Variants in PCDH7 observed in about 807,000 individuals in gnomAD.
The protein encoded by PCDH7 is protocadherin 7, also known as protocadherin-7.
PCDH7 carries 17 observed loss-of-function variants against 58.9 expected under a neutral mutation model. The observed-to-expected ratio is 0.29, with a 90% CI of 0.20 to 0.43. The LOEUF (loss-of-function observed/expected upper bound fraction) is 0.43. Among genes scored for constraint, PCDH7 ranks in the 20% least tolerant of loss-of-function variants. PCDH7 has a pLI of 1.00. For synonymous variants in PCDH7, 664 were observed against 616.4 expected (o/e 1.08, Z -1.14); for missense variants, 1,274 against 1,441.0 (o/e 0.88, Z 1.88).
chr4:30,790,346 A>G (rs774448545), intron 1 of PCDH7, among the ~76,000 whole-genome samples: 6 of 152,000 alleles, frequency 3.9e-5, no homozygotes, highest in African/African-American at 9.7e-5. Context: ...ACAGAGTTTC[A>G]GTAACTAGTA....
At chr4:30,739,788 T>C (rs923062369) in intron 1 of PCDH7, among the ~76,000 whole-genome samples, 3 of 152,188 alleles carry the variant, frequency 2.0e-5, no homozygotes, top group Non-Finnish European at 4.4e-5. Context: ...AGTGAATCAC[T>C]ACTATATGCC....
Position 30,827,793 on chromosome 4 carries a change from G to C in PCDH7, c.71-92360G>C, listed in dbSNP as rs548292508. Reference sequence around the variant, plus strand: ...TCAAGAAACATACAATCTAGTATGTGCATAGATGTCAATTCTGGAAAACTT... The same window carrying C: ...TCAAGAAACATACAATCTAGTATGTCCATAGATGTCAATTCTGGAAAACTT... On this transcript the variant is annotated intron_variant, in intron 1 of 3. Coordinates refer to the PCDH7 transcript ENST00000509759. Among the ~76,000 whole-genome samples, 20 of 152,140 alleles carry C rather than the reference G, an allele frequency of 1.3e-4. No individual in the cohort carries two copies. The East Asian group carries it at 3.7e-3, about 28-fold the overall frequency.
At chr4:30,946,393 T>C (rs10033266) in intron 2 of PCDH7, among the ~76,000 whole-genome samples, 2,474 of 152,186 alleles carry the variant, frequency 0.016, 58 homozygotes, top group African/African-American at 0.056. Context: ...TGTTCTGTTG[T>C]TTTTCTCAAC....
At chr4:31,006,296 C>G (rs1752763625) in intron 3 of PCDH7, among the ~76,000 whole-genome samples, 1 of 152,052 alleles carries the variant, frequency 6.6e-6, no homozygotes, top group South Asian at 2.1e-4. Flanking sequence ...TTTGAGGCCA[C>G]TAAACATTTT....
intron 3 of PCDH7, among the ~76,000 whole-genome samples, chr4:30,996,123 C>T (rs986245430): frequency 6.6e-6 from 1 of 152,142 alleles, no homozygotes; most frequent in African/African-American, 2.4e-5. Context: ...GTCTTGTCTT[C>T]GCCCTTTCAC....
At chr4:31,001,985 A>C (rs1458800089) in intron 3 of PCDH7, among the ~76,000 whole-genome samples, 1 of 152,216 alleles carries the variant, frequency 6.6e-6, no homozygotes, top group Non-Finnish European at 1.5e-5. Context: ...ACTCCTAATA[A>C]TAATGGATCA....
chr4:30,803,523 A>C (rs1725801309), intron 1 of PCDH7, among the ~76,000 whole-genome samples: 1 of 152,070 alleles, frequency 6.6e-6, no homozygotes, highest in Admixed American at 6.6e-5. Context: ...CTGCAACCTC[A>C]AACTCCGGCG....
At chr4:30,852,029 T>C (rs927490102) in intron 1 of PCDH7, among the ~76,000 whole-genome samples, 1 of 152,058 alleles carries the variant, frequency 6.6e-6, no homozygotes, top group Non-Finnish European at 1.5e-5. Flanking sequence ...AGATAAAATA[T>C]GTAGAAGGTA....
chr4:30,973,582 A>G (rs1749790518), intron 3 of PCDH7, among the ~76,000 whole-genome samples: 1 of 152,216 alleles, frequency 6.6e-6, no homozygotes, highest in Non-Finnish European at 1.5e-5. Flanking sequence ...ATCCATTAAA[A>G]GCAGGGAGGA....
At chr4:30,804,790 T>C (rs1023729087) in intron 1 of PCDH7, among the ~76,000 whole-genome samples, 1 of 152,112 alleles carries the variant, frequency 6.6e-6, no homozygotes, top group African/African-American at 2.4e-5. Context: ...AAACATAAAA[T>C]ATCTAACTAA....
intron 1 of PCDH7, among the ~76,000 whole-genome samples, chr4:30,890,413 C>A (rs1181037905): frequency 7.2e-6 from 1 of 139,358 alleles, no homozygotes; most frequent in Non-Finnish European, 1.6e-5. Flanking sequence ...AGTAGTACAT[C>A]ATTTTTAATG....
intron 3 of PCDH7, among the ~76,000 whole-genome samples, chr4:31,043,207 A>G (rs754502898): frequency 2.0e-5 from 3 of 152,102 alleles, no homozygotes. Flanking sequence ...TATTCAAACC[A>G]TAGCATCTGG....
rs1371401958 is a variant in PCDH7 at position 31,056,429 on chromosome 4, AAAAAGAAAGAAGGAAAGAAAGAAAGAAAG to A, written c.*8-86041_*8-86013del. ...GAAAGAAAGAAGGAAAGAAGGAAAG[AAAAAGAAAGAAGGAAAGAAAGAAAGAAAG>A]AAGAAAGAAAGAAAGAAAGAAAGAA... On this transcript the variant is annotated intron_variant, in intron 3 of 3. Transcript: ENST00000509759. Among the ~76,000 whole-genome samples, 245 of 105,880 alleles carry A rather than the reference AAAAAGAAAGAAGGAAAGAAAGAAAGAAAG, an allele frequency of 2.3e-3. 6 individuals are homozygous for A. The highest frequency in any genetic ancestry group is 0.012 in the African/African-American group (231 of 18,858). The allele number at this position is 105,880 out of a possible 152,430, so 69.5% of individuals were successfully genotyped here.
intron 1 of PCDH7, among the ~76,000 whole-genome samples, chr4:30,822,112 G>A (rs957165991): frequency 6.6e-6 from 1 of 151,230 alleles, no homozygotes; most frequent in Non-Finnish European, 1.5e-5. Flanking sequence ...TCTGTAATCC[G>A]AGCATTTCCT....
intron 3 of PCDH7, among the ~76,000 whole-genome samples, chr4:31,108,745 T>C (rs764930574): frequency 1.3e-5 from 2 of 152,076 alleles, no homozygotes; most frequent in Non-Finnish European, 2.9e-5. Context: ...ATTTTTTTTT[T>C]CACAACTACA....
At chr4:30,960,253 T>A (rs1397017981) in intron 3 of PCDH7, among the ~76,000 whole-genome samples, 3 of 151,980 alleles carry the variant, frequency 2.0e-5, no homozygotes, top group Non-Finnish European at 4.4e-5. Flanking sequence ...GTAGGGAGCA[T>A]GGATAATGGG....
intron 1 of PCDH7, among the ~76,000 whole-genome samples, chr4:30,727,739 G>A (rs181456671): frequency 1.4e-4 from 22 of 151,838 alleles, no homozygotes; most frequent in East Asian, 7.7e-4. Flanking sequence ...AAAGGCATAC[G>A]CATTCTATTT....
At chr4:30,817,389 T>C (rs757148377) in intron 1 of PCDH7, among the ~76,000 whole-genome samples, 4 of 152,220 alleles carry the variant, frequency 2.6e-5, no homozygotes, top group Non-Finnish European at 5.9e-5. Context: ...AATTTGGTTT[T>C]TAGATTTTAG....
chr4:30,929,972 A>G (rs1406929181), intron 2 of PCDH7, among the ~76,000 whole-genome samples: 3 of 152,178 alleles, frequency 2.0e-5, no homozygotes, highest in Non-Finnish European at 4.4e-5. Flanking sequence ...AGTAAAATTC[A>G]ATGACCATTT....
Sources: gnomAD v4.1 joint callset for allele counts (sites outside exome capture counted in the v4.1 genomes callset) on GRCh38, gnomAD v4.1.1 for gene constraint, MANE v1.5 for transcripts, NCBI Gene and HGNC (gene_info 2026-07-23, HGNC 2026-07-21) for gene names.